PIAS2: variants seen among roughly 807,000 people sequenced by gnomAD.
The protein encoded by PIAS2 is E3 SUMO-protein ligase PIAS2.
A neutral mutation model predicts 69.7 loss-of-function variants in PIAS2; 19 were observed. The observed-to-expected ratio is 0.27, with a 90% CI of 0.19 to 0.40. PIAS2 has a LOEUF of 0.40. Among genes scored for constraint, PIAS2 ranks in the 10% least tolerant of loss-of-function variants. The pLI is 1.00. For missense variants in PIAS2, 624 were observed against 757.0 expected, an observed-to-expected ratio of 0.82 and a Z score of 2.06; for synonymous variants, 261 against 263.2, an observed-to-expected ratio of 0.99 and a Z score of 0.08.
At chr18:46,814,900 C>T (rs2041349034) in intron 13 of PIAS2, among the ~76,000 whole-genome samples, 1 of 152,128 alleles carries the variant, frequency 6.6e-6, no homozygotes, top group Admixed American at 6.6e-5. Context: ...TCTTTAAAAA[C>T]AATGAAGAAT....
chr18:46,859,805 T>C (rs1448745502), intron 3 of PIAS2, among the ~76,000 whole-genome samples: 1 of 152,134 alleles, frequency 6.6e-6, no homozygotes, highest in East Asian at 1.9e-4. Context: ...GAGGGAGGTG[T>C]TGGTAATTTT....
chr18:46,919,313 C>G (rs553413789), upstream of PIAS2, among the ~76,000 whole-genome samples: 1 of 151,972 alleles, frequency 6.6e-6, no homozygotes, highest in Non-Finnish European at 1.5e-5. Flanking sequence ...ATGGAGAAAC[C>G]CCGTCTCCAC....
intron 12 of PIAS2, among the ~76,000 whole-genome samples, chr18:46,820,406 G>A (rs1463917877): frequency 6.6e-6 from 1 of 151,884 alleles, no homozygotes; most frequent in Non-Finnish European, 1.5e-5. Context: ...ATTTACTGGG[G>A]GTCCTGGAAC....
At position 46,806,649 on chromosome 18, in the gene PIAS2, C is replaced by G. The variant is rs561046772; in HGVS notation, c.*5784G>C. 1 of 152,044 alleles carries G rather than the reference C, an allele frequency of 6.6e-6. No homozygotes were observed. The highest frequency in any genetic ancestry group is 1.5e-5 in the Non-Finnish European group (1 of 68,034). The allele number at this position is 152,044 out of a possible 1,614,324, so 9.4% of individuals were successfully genotyped here. A position where few individuals can be genotyped will look rare whatever the true frequency, so the allele number is the denominator to read the frequency against. On this transcript the variant is annotated 3_prime_UTR_variant, in exon 14 of 14. Transcript: ENST00000585916. Reference sequence around the variant, plus strand: ...GGGATTACAGGCATGAGCCACCATGCCCAGCTTAAGAATTCTTGATTTTTG... The same window carrying G: ...GGGATTACAGGCATGAGCCACCATGGCCAGCTTAAGAATTCTTGATTTTTG...
chr18:46,892,772 A>AAAT (rs905342550), intron 1 of PIAS2, among the ~76,000 whole-genome samples: 6 of 151,896 alleles, frequency 4.0e-5, no homozygotes, highest in Non-Finnish European at 5.9e-5. Flanking sequence ...ACTGTCTCAA[A>AAAT]AATAATAATA....
rs2040879206 is a variant in PIAS2 at position 46,809,683 on chromosome 18, AG to A, written c.*2749del. 1.3e-5 allele frequency: 2 copies of A among 150,180 alleles called. No individual in the cohort carries two copies. 9.3% of individuals were successfully genotyped at this position (150,180 alleles called of 1,614,324 possible). A position where few individuals can be genotyped will look rare whatever the true frequency, so the allele number is the denominator to read the frequency against. On this transcript the variant is annotated 3_prime_UTR_variant, in exon 14 of 14. Transcript: ENST00000585916. The stretch of plus-strand genomic sequence containing the variant: ...GGCAGGAGAATCGCTTGAACCCTGT[AG>A]GTGGAGGTTGCGGTGAGCCAAGATC...
chr18:46,812,341 T>TAA lies in PIAS2; in HGVS notation c.*90_*91dup, dbSNP rs566576373. The TAA allele has an allele frequency of 1.9e-3, 1,116 of 573,896 alleles. No homozygotes were observed. Among genetic ancestry groups the TAA allele is most frequent in the South Asian group, 4.3e-3 (134 of 31,246 alleles). The allele number at this position is 573,896 out of a possible 1,614,324, so 35.6% of individuals were successfully genotyped here. On this transcript the variant is annotated 3_prime_UTR_variant, in exon 14 of 14. Transcript: ENST00000585916. Reference sequence around the variant, plus strand: ...TGACTTTCAATAAATACCAAATTATTAAAAAAAAAAAAAAAAGAACGTTTC... The same window carrying TAA: ...TGACTTTCAATAAATACCAAATTATTAAAAAAAAAAAAAAAAAAGAACGTTTC...
chr18:46,914,558 T>TC (rs531858958), intron 1 of PIAS2, among the ~76,000 whole-genome samples: 83 of 97,138 alleles, frequency 8.5e-4, no homozygotes, highest in South Asian at 1.5e-3. Context: ...TAACCAACCC[T>TC]CCCCCCCCCA....
intron 9 of PIAS2, among the ~76,000 whole-genome samples, chr18:46,831,067 G>A (rs559439982): frequency 3.9e-4 from 59 of 152,010 alleles, no homozygotes; most frequent in Non-Finnish European, 2.8e-4. Context: ...AATGCAAGGC[G>A]GTGGGAAAAC....
intron 2 of PIAS2, among the ~76,000 whole-genome samples, chr18:46,868,576 A>G (rs2049849941): frequency 6.6e-6 from 1 of 152,080 alleles, no homozygotes; most frequent in Admixed American, 6.5e-5. Flanking sequence ...ACTCCAGCCA[A>G]TGGGGAAAGG....
At chr18:46,906,153 C>T (rs1308650012) in intron 1 of PIAS2, 1 of 151,912 alleles carries the variant, frequency 6.6e-6, no homozygotes, top group Admixed American at 6.6e-5. Flanking sequence ...TTTAAATTAG[C>T]AAACTAAGAA....
chr18:46,835,510 T>A (rs1259625190), intron 9 of PIAS2, among the ~76,000 whole-genome samples: 1 of 152,194 alleles, frequency 6.6e-6, no homozygotes, highest in South Asian at 2.1e-4. Context: ...CAAGCTCACC[T>A]TGAATTCCTG....
At chr18:46,835,381 GA>G (rs2044281269) in intron 9 of PIAS2, among the ~76,000 whole-genome samples, 2 of 152,062 alleles carry the variant, frequency 1.3e-5, no homozygotes, top group Non-Finnish European at 2.9e-5. Flanking sequence ...TTCAGCAAAG[GA>G]AAGTTCAGAA....
At chr18:46,873,850 G>C (rs1179106632) in intron 2 of PIAS2, among the ~76,000 whole-genome samples, 2 of 152,124 alleles carry the variant, frequency 1.3e-5, no homozygotes, top group African/African-American at 4.8e-5. Flanking sequence ...CGTTTCCTCT[G>C]AAACGCCCGT....
In PIAS2 at chr18:46,848,697, A is replaced by G. The variant is rs531132048; in HGVS notation, c.727-1856T>C. Among the ~76,000 whole-genome samples the G allele has an allele frequency of 3.9e-5, 6 of 152,288 alleles. No homozygotes were observed. In the South Asian group the frequency reaches 1.2e-3, roughly 32 times the overall value. On this transcript the variant is annotated intron_variant, in intron 5 of 13. Transcript: ENST00000585916. ...TGAAAATCATTAAAAACGTTTGAGC[A>G]GGGGAATAAAAGACAAAGAGAAGAA... is the stretch of plus-strand genomic sequence containing the variant.
Position 46,890,871 on chromosome 18 carries a change from C to T in PIAS2, c.208G>A (p.Glu70Lys). The T allele has an allele frequency of 6.2e-7, 1 of 1,614,186 alleles. No homozygotes were observed. Among genetic ancestry groups the T allele is most frequent in the Non-Finnish European group, 8.5e-7 (1 of 1,180,042 alleles). ...LYRRRYPRTL[E>K]GLSDLSTIKS... ...ATTGTGGATAAATCAGAAAGTCCTT[C>T]AAGAGTTCGTGGATATCGGCGTCTA... The change falls in exon 2 of 14, where the codon GAA becomes AAA. Residue 70 changes from glutamate to lysine, a missense_variant. Coordinates refer to ENST00000585916, the MANE Select transcript of PIAS2 (RefSeq NM_004671.5).
intron 1 of PIAS2, among the ~76,000 whole-genome samples, chr18:46,914,302 A>G (rs982791825): frequency 6.6e-6 from 1 of 151,998 alleles, no homozygotes; most frequent in African/African-American, 2.4e-5. Context: ...GTGTGCTTTG[A>G]CTCTAAGCCC....
intron 3 of PIAS2, among the ~76,000 whole-genome samples, chr18:46,859,420 T>A (rs1298593949): frequency 6.1e-5 from 6 of 98,212 alleles, no homozygotes; most frequent in Non-Finnish European, 9.1e-5. Flanking sequence ...AGAGCGAGAC[T>A]CCGTCTCAAA....
chr18:46,917,325 C>G lies in PIAS2; in HGVS notation c.21G>C (p.Leu7Phe). The change falls in exon 1 of 14, where the codon TTG (leucine) becomes TTC (phenylalanine). Residue 7 changes from leucine (L) to phenylalanine (F), a missense_variant. Transcript: ENST00000585916. MADFEE[L>F]RNMVSSFRVS... ...TCCGCTCTCCACTCCCGCTTACCCT[C>G]AACTCTTCGAAATCCGCCATTTTAT... is the stretch of plus-strand genomic sequence containing the variant. 1 of 1,479,688 alleles carries G rather than the reference C, an allele frequency of 6.8e-7. No homozygotes were observed. Among genetic ancestry groups the G allele is most frequent in the Non-Finnish European group, 9.0e-7 (1 of 1,111,324 alleles). The allele number at this position is 1,479,688 out of a possible 1,614,324, so 91.7% of individuals were successfully genotyped here.
Sources: gnomAD v4.1 joint callset for allele counts (sites outside exome capture counted in the v4.1 genomes callset) on GRCh38, gnomAD v4.1.1 for gene constraint, MANE v1.5 for transcripts, NCBI Gene and HGNC (gene_info 2026-07-23, HGNC 2026-07-21) for gene names.